CHD2: variants seen among roughly 807,000 people sequenced by gnomAD.
CHD2 encodes ATP-dependent chromatin remodeler CHD2.
A neutral mutation model predicts 243.9 loss-of-function variants in CHD2; 28 were observed. That is an observed-to-expected ratio of 0.11 (90% CI 0.09 to 0.16). The LOEUF (loss-of-function observed/expected upper bound fraction) is 0.16, where lower values mean the gene tolerates loss of function less well. CHD2 is among the 10% of genes least tolerant of loss of function. CHD2 has a pLI of 1.00. For missense variants in CHD2, 1,386 were observed against 2,209.8 expected (o/e 0.63, Z 7.47); for synonymous variants, 775 against 779.0 (o/e 0.99, Z 0.09).
At position 93,002,281 on chromosome 15, in the gene CHD2, C is replaced by T. The variant is rs771971989; in HGVS notation, c.4242C>T (p.Asp1414=). 5.6e-6 allele frequency: 9 copies of T among 1,598,574 alleles called. No homozygotes were observed. In the African/African-American group the frequency reaches 6.8e-5, roughly 12 times the overall value. The change falls in exon 33 of 39, where the codon GAC becomes GAT. Residue 1414 remains aspartate (D), a synonymous_variant. Coordinates refer to ENST00000394196, the MANE Select transcript of CHD2 (RefSeq NM_001271.4). Reference sequence around the variant, plus strand: ...GTTCTAGGAAAGACAAAGAAGGGGACAAGGAAAGAAAGAAGTCAAAAGATA... The same window carrying T: ...GTTCTAGGAAAGACAAAGAAGGGGATAAGGAAAGAAAGAAGTCAAAAGATA... ...QMSSRKDKEG[D]KERKKSKDKK...
At chr15:93,008,683 A>G (rs2054352883) in intron 34 of CHD2, among the ~76,000 whole-genome samples, 1 of 152,184 alleles carries the variant, frequency 6.6e-6, no homozygotes. Flanking sequence ...TTGGGGAGGC[A>G]GAGAAAAGAT....
intron 1 of CHD2, 54 bp from the exon 2 acceptor site, chr15:92,901,113 A>G (rs1285329653): frequency 1.5e-6 from 1 of 685,304 alleles, no homozygotes; most frequent in Non-Finnish European, 2.6e-6. Context: ...TGTTCCTGAT[A>G]ATAAAAAGCA....
Position 92,987,728 on chromosome 15 carries a change from G to C in CHD2, c.3413+2055G>C, listed in dbSNP as rs1254585870. Among the ~76,000 whole-genome samples the C allele has an allele frequency of 2.6e-5, 4 of 150,980 alleles. No homozygotes were observed. In the East Asian group the frequency reaches 7.7e-4, roughly 29 times the overall value. On this transcript the variant is annotated intron_variant, in intron 26 of 38. Coordinates refer to ENST00000394196, the MANE Select transcript of CHD2 (RefSeq NM_001271.4). ...TTACATTTAATGCAGTTATTATAAAGTAGGAATTATGTCTGCATTTTGCTA... is the reference window on the plus strand; with the variant it reads ...TTACATTTAATGCAGTTATTATAAACTAGGAATTATGTCTGCATTTTGCTA...
At chr15:92,923,568 T>TTG (rs984370210) in intron 2 of CHD2, among the ~76,000 whole-genome samples, 3 of 149,392 alleles carry the variant, frequency 2.0e-5, no homozygotes, top group African/African-American at 5.0e-5. Flanking sequence ...CTTGTTTTTT[T>TTG]TTTTTTTTTT....
rs559920922 is a variant in CHD2, at chr15:92,931,637, A to G, written c.443+2546A>G. 8.5e-5 allele frequency among the ~76,000 whole-genome samples: 13 copies of G among 152,284 alleles called. No homozygotes were observed. The South Asian group carries it at 2.7e-3, about 32-fold the overall frequency. On this transcript the variant is annotated intron_variant, in intron 5 of 38. Coordinates refer to ENST00000394196, the MANE Select transcript of CHD2 (RefSeq NM_001271.4). ...TTATCCTCTCACCTTGCTCTCCAAA[A>G]GTGTTGGGATTAGCATACGTGAGCC...
At chr15:92,990,532 A>G (rs1156283410) in intron 26 of CHD2, among the ~76,000 whole-genome samples, 1 of 152,206 alleles carries the variant, frequency 6.6e-6, no homozygotes, top group Non-Finnish European at 1.5e-5. Context: ...GACATAAAAT[A>G]TTTCAGTGTC....
intron 37 of CHD2, among the ~76,000 whole-genome samples, chr15:93,016,286 G>A (rs2054459434): frequency 6.6e-6 from 1 of 152,190 alleles, no homozygotes; most frequent in Admixed American, 6.5e-5. Context: ...TCTCACTTAC[G>A]TATGGAATCT....
At chr15:92,924,594 G>C in intron 3 of CHD2, 42 bp downstream of exon 3, 1 of 1,529,006 alleles carries the variant, frequency 6.5e-7, no homozygotes, top group Non-Finnish European at 9.1e-7. Flanking sequence ...TGCTAGCCTA[G>C]GACAAGCTAG....
chr15:92,984,115 A>G (rs527467140), intron 24 of CHD2, among the ~76,000 whole-genome samples: 32 of 152,352 alleles, frequency 2.1e-4, no homozygotes, highest in Non-Finnish European at 4.4e-4. Flanking sequence ...TCTGCTTTTC[A>G]GTAAAATTTA....
At chr15:92,940,264 G>C (rs897898935) in intron 7 of CHD2, among the ~76,000 whole-genome samples, 3 of 152,110 alleles carry the variant, frequency 2.0e-5, no homozygotes, top group Non-Finnish European at 4.4e-5. Context: ...GACCAGCCTA[G>C]ACAACAGGGC....
At chr15:92,996,852 A>C in intron 28 of CHD2, 105 bp from the exon 29 acceptor site, 20 of 1,084,330 alleles carry the variant, frequency 1.8e-5, no homozygotes, top group Admixed American at 6.1e-5. Flanking sequence ...ACAATAAGCC[A>C]GAGATATATT....
chr15:92,908,769 A>G (rs1441172353), intron 2 of CHD2, among the ~76,000 whole-genome samples: 1 of 152,200 alleles, frequency 6.6e-6, no homozygotes, highest in Non-Finnish European at 1.5e-5. Flanking sequence ...GCTTGATGGA[A>G]GAGGATGTTT....
At chr15:92,980,611 T>A (rs1321037797) in intron 22 of CHD2, among the ~76,000 whole-genome samples, 1 of 152,236 alleles carries the variant, frequency 6.6e-6, no homozygotes, top group Non-Finnish European at 1.5e-5. Context: ...GGACTGTAAC[T>A]AATTTTCTAT....
intron 2 of CHD2, among the ~76,000 whole-genome samples, chr15:92,905,630 T>C (rs2052606971): frequency 6.6e-6 from 1 of 152,234 alleles, no homozygotes; most frequent in South Asian, 2.1e-4. Context: ...TAGAATTCAC[T>C]ATGATAGTGA....
In CHD2 at chr15:92,998,597, G is replaced by A. The variant is rs1471561109; in HGVS notation, c.3984G>A (p.Lys1328=). Residue 1328 remains lysine, a synonymous_variant, in exon 31 of 39, where the codon AAG becomes AAA. Coordinates refer to ENST00000394196, the MANE Select transcript of CHD2 (RefSeq NM_001271.4). The surrounding 1 kb of genome is among the most constrained non-coding windows in gnomAD (Gnocchi z 5.1). ...LKLLRKGLEK[K]GAVTGGEEAK... ...TGCTCAGAAAGGGTCTGGAGAAGAA[G>A]GGGGCTGTGACAGGTGGGGAAGAGG... 1 of 1,613,008 alleles carries A rather than the reference G, an allele frequency of 6.2e-7. No individual in the cohort carries two copies. Among genetic ancestry groups the A allele is most frequent in the East Asian group, 2.2e-5 (1 of 44,884 alleles).
Position 92,965,554 on chromosome 15 carries a change from G to C in CHD2, c.2001-1771G>C, listed in dbSNP as rs540567295. On this transcript the variant is annotated intron_variant, in intron 16 of 38. Coordinates refer to ENST00000394196, the MANE Select transcript of CHD2 (RefSeq NM_001271.4). ...ACTCCAGCCTGGGCGACAGAGCCGA[G>C]ACTCTTTCTCCAAAAAAAAAAAAAA... is the stretch of plus-strand genomic sequence containing the variant. Among the ~76,000 whole-genome samples the C allele has an allele frequency of 8.0e-5, 10 of 125,370 alleles. No homozygotes were observed. The East Asian group carries it at 1.8e-3, about 23-fold the overall frequency. 82.2% of individuals were successfully genotyped at this position (125,370 alleles called of 152,430 possible). A position where few individuals can be genotyped will look rare whatever the true frequency, so the allele number is the denominator to read the frequency against.
chr15:92,906,909 A>T (rs1471027112), intron 2 of CHD2, among the ~76,000 whole-genome samples: 1 of 152,182 alleles, frequency 6.6e-6, no homozygotes, highest in Non-Finnish European at 1.5e-5. Flanking sequence ...CGTTGAGTTC[A>T]CATGTATACC....
chr15:92,900,787 A>G lies in CHD2; in HGVS notation c.-109A>G, dbSNP rs2052518145. On this transcript the variant is annotated 5_prime_UTR_variant, in exon 1 of 39. Transcript: ENST00000394196. ...TGGGATCTGATATTTTTCTACTAGT[A>G]GATAGGACTCTTGGTTTGGACATAC... is the stretch of plus-strand genomic sequence containing the variant. 4 of 395,492 alleles carry G rather than the reference A, an allele frequency of 1.0e-5. 1 individual carries two copies. The highest frequency in any genetic ancestry group is 4.4e-5 in the Admixed American group (1 of 22,572). 24.5% of individuals were successfully genotyped at this position (395,492 alleles called of 1,614,324 possible). A position where few individuals can be genotyped will look rare whatever the true frequency, so the allele number is the denominator to read the frequency against.
intron 2 of CHD2, among the ~76,000 whole-genome samples, chr15:92,917,116 T>C (rs1419232999): frequency 6.6e-6 from 1 of 152,238 alleles, no homozygotes; most frequent in East Asian, 1.9e-4. Flanking sequence ...CTTTGTTATG[T>C]GTACATTGAA....
Sources: gnomAD v4.1 joint callset for allele counts (sites outside exome capture counted in the v4.1 genomes callset) on GRCh38, gnomAD v4.1.1 for gene constraint, Gnocchi (gnomAD v3.1) non-coding constraint, MANE v1.5 for transcripts, NCBI Gene and HGNC (gene_info 2026-07-23, HGNC 2026-07-21) for gene names.